NLRP7: variants seen among roughly 807,000 people sequenced by gnomAD.
NLRP7 encodes NACHT, LRR and PYD domains-containing protein 7.
NLRP7 carries 72 observed loss-of-function variants against 85.5 expected under a neutral mutation model. The ratio of observed to expected loss-of-function variants is 0.84; its 90% confidence interval spans 0.70 to 1.02. The LOEUF is 1.02. NLRP7 is among the 50% of genes least tolerant of loss of function. The pLI, the probability that NLRP7 is intolerant of heterozygous loss-of-function variation, is 0.00. For missense variants in NLRP7, 1,243 were observed against 1,219.5 expected (o/e 1.02, Z -0.29); for synonymous variants, 550 against 505.2 (o/e 1.09, Z -1.19).
In NLRP7 at chr19:54,934,274, A is replaced by G. The variant is rs2068800074; in HGVS notation, c.2471+215T>C. Among the ~76,000 whole-genome samples, 1 of 152,106 alleles carries G rather than the reference A, an allele frequency of 6.6e-6. No homozygotes were observed. The highest frequency in any genetic ancestry group is 1.5e-5 in the Non-Finnish European group (1 of 68,022). ...GTATTTTTAATAGAAACAGGGTTTC[A>G]CCATGTTGGCCAGGTTGGTCTCGAA... On this transcript the variant is annotated intron_variant, in intron 7 of 9. Coordinates refer to ENST00000340844, the Ensembl canonical transcript of NLRP7. This position sits in a 1 kb window ranked among gnomAD's most constrained non-coding sequence, Gnocchi z 6.7.
chr19:54,961,979 T>TG (rs2070057390), intron 1 of NLRP7, among the ~76,000 whole-genome samples: 1 of 150,326 alleles, frequency 6.7e-6, no homozygotes, highest in Non-Finnish European at 1.5e-5. Flanking sequence ...GCCAAAAGGG[T>TG]ATGGTGAAAC....
At chr19:54,956,671 GAGAC>G (rs977307367) in intron 1 of NLRP7, among the ~76,000 whole-genome samples, 1 of 149,762 alleles carries the variant, frequency 6.7e-6, no homozygotes, top group Non-Finnish European at 1.5e-5. Context: ...TCCAGCCTGG[GAGAC>G]AGAGCAAGAC....
In NLRP7 at chr19:54,939,742, C is replaced by A. The variant is rs1399135818; in HGVS notation, c.1077G>T (p.Leu359=). ...TCCAGCACACCGCGGGGGCCGAGCC[C>A]AGCTGGAACAGGGCCGCGTTGCTCC... is the stretch of plus-strand genomic sequence containing the variant. The change falls in exon 4 of 10, where the codon CTG becomes CTT. Residue 359 remains leucine, a synonymous_variant. Transcript: ENST00000340844. The A allele has an allele frequency of 1.9e-6, 3 of 1,613,520 alleles. No individual in the cohort carries two copies. The African/African-American group carries it at 4.0e-5, about 22-fold the overall frequency.
At chr19:54,941,720 G>C (rs184816368) in exon 2 of NLRP7, 7 of 1,611,130 alleles carry the variant, frequency 4.3e-6, no homozygotes, top group Non-Finnish European at 5.9e-6. Context: ...ATAGTGCTCC[G>C]AGTATGAGAC....
rs1018449097 is a variant in NLRP7 at position 54,963,697 on chromosome 19, G to T, written c.-77+2343C>A. On this transcript the variant is annotated intron_variant, in intron 1 of 2. Coordinates refer to the NLRP7 transcript ENST00000587103. ...AAATTAGCCGGGTACAGTGGCACGC[G>T]CCTGTAATCCCAGCTATTCAGGAGG... 2.6e-5 allele frequency among the ~76,000 whole-genome samples: 4 copies of T among 151,362 alleles called. No homozygotes were observed. The East Asian group carries it at 8.0e-4, about 30-fold the overall frequency.
At chr19:54,954,873 A>G (rs2069801126) in intron 1 of NLRP7, among the ~76,000 whole-genome samples, 1 of 151,680 alleles carries the variant, frequency 6.6e-6, no homozygotes, top group Non-Finnish European at 1.5e-5. Flanking sequence ...AAGGGCAACT[A>G]GCAGCCCTAT....
At chr19:54,957,545 A>C (rs2069899546) in intron 1 of NLRP7, among the ~76,000 whole-genome samples, 1 of 149,826 alleles carries the variant, frequency 6.7e-6, no homozygotes, top group South Asian at 2.1e-4. Context: ...GGGTTTCACC[A>C]TGTTGGCCAG....
intron 9 of NLRP7, among the ~76,000 whole-genome samples, chr19:54,925,999 T>C (rs944169565): frequency 6.7e-6 from 1 of 148,902 alleles, no homozygotes. Context: ...GGAGTCTCTG[T>C]CTCAAAAAAA....
chr19:54,946,029 G>A (rs2069455749), intron 1 of NLRP7, among the ~76,000 whole-genome samples: 1 of 152,038 alleles, frequency 6.6e-6, no homozygotes, highest in African/African-American at 2.4e-5. Context: ...CTGACCTCGT[G>A]ATCCGCCCGC....
exon 6 of NLRP7, chr19:54,936,266 G>A (rs1405924169): frequency 6.2e-7 from 1 of 1,612,892 alleles, no homozygotes. Flanking sequence ...CCCACCTCAG[G>A]TACTGCAGGT....
intron 4 of NLRP7, among the ~76,000 whole-genome samples, chr19:54,938,543 C>T (rs984247010): frequency 1.2e-4 from 18 of 152,124 alleles, no homozygotes. Flanking sequence ...GGGCTAGAAA[C>T]TGAGACCCCC....
At chr19:54,935,973 T>C (rs28572042) in intron 6 of NLRP7, among the ~76,000 whole-genome samples, 10,841 of 152,096 alleles carry the variant, frequency 0.071, 416 homozygotes, top group South Asian at 0.11. Context: ...GGGCCACTGC[T>C]CTCAATCCCA....
intron 1 of NLRP7, among the ~76,000 whole-genome samples, chr19:54,944,406 GAC>G (rs1438696985): frequency 6.6e-6 from 1 of 152,010 alleles, no homozygotes; most frequent in Non-Finnish European, 1.5e-5. Context: ...CCTTGTTTAT[GAC>G]ACAGACATTT....
rs1569539757 is a variant in NLRP7, at chr19:54,933,726, GAC to G, written c.2483_2484del (p.Cys828SerfsTer40). ...TCCTTGCAACTGGCTTCTGTAAGAC[GAC>G]AGTTTTCCAACCTGCAAAAATATGA... On this transcript the variant is annotated frameshift_variant, in exon 8 of 10. Transcript: ENST00000340844. LOFTEE classifies it high-confidence loss of function. The G allele has an allele frequency of 1.4e-5, 22 of 1,614,036 alleles. No individual in the cohort carries two copies. The highest frequency in any genetic ancestry group is 1.9e-5 in the Non-Finnish European group (22 of 1,179,890).
intron 1 of NLRP7, among the ~76,000 whole-genome samples, chr19:54,963,416 G>T (rs182903947): frequency 6.6e-6 from 1 of 151,968 alleles, no homozygotes; most frequent in Non-Finnish European, 1.5e-5. Context: ...AAGGCTGGGC[G>T]CGGTGGTTCG....
upstream of NLRP7, chr19:54,947,562 G>A (rs868454526): frequency 1.7e-4 from 221 of 1,289,696 alleles, no homozygotes; most frequent in Middle Eastern, 4.0e-3. Flanking sequence ...GCTAGGTGGA[G>A]AGACAGCTTT....
At chr19:54,949,235 A>G (rs761141128), upstream of NLRP7, among the ~76,000 whole-genome samples, 5 of 151,206 alleles carry the variant, frequency 3.3e-5, no homozygotes, top group Non-Finnish European at 7.4e-5. Context: ...CCGAGATTGC[A>G]CCACTGCGCT....
intron 6 of NLRP7, among the ~76,000 whole-genome samples, chr19:54,936,029 G>A (rs1441563682): frequency 6.6e-6 from 1 of 152,162 alleles, no homozygotes; most frequent in Non-Finnish European, 1.5e-5. Flanking sequence ...CCTAAAGCTG[G>A]AACCCAGCAC....
intron 8 of NLRP7, among the ~76,000 whole-genome samples, chr19:54,931,287 G>A (rs749160682): frequency 7.2e-5 from 11 of 151,916 alleles, no homozygotes; most frequent in South Asian, 2.1e-4. Context: ...GGCCGGGCGC[G>A]GTGGCTCAAA....
Sources: gnomAD v4.1 joint callset for allele counts (sites outside exome capture counted in the v4.1 genomes callset) on GRCh38, gnomAD v4.1.1 for gene constraint, Gnocchi (gnomAD v3.1) non-coding constraint, MANE v1.5 for transcripts, NCBI Gene and HGNC (gene_info 2026-07-23, HGNC 2026-07-21) for gene names.